Variants in PLEKHA6 observed in about 807,000 individuals in gnomAD.
The protein encoded by PLEKHA6 is pleckstrin homology domain containing A6.
In PLEKHA6, 60 loss-of-function variants were observed where a neutral mutation model predicts 116.7. The ratio of observed to expected loss-of-function variants is 0.51; its 90% confidence interval spans 0.42 to 0.64. PLEKHA6 has a LOEUF of 0.64. Among genes scored for constraint, PLEKHA6 ranks in the 30% least tolerant of loss-of-function variants. The pLI is 0.00. For missense variants in PLEKHA6, 1,338 were observed against 1,422.7 expected, an observed-to-expected ratio of 0.94 and a Z score of 0.96; for synonymous variants, 489 against 556.1, an observed-to-expected ratio of 0.88 and a Z score of 1.70.
chr1:204,360,073 C>T (rs1673524781), upstream of PLEKHA6, among the ~76,000 whole-genome samples: 1 of 152,258 alleles, frequency 6.6e-6, no homozygotes, highest in South Asian at 2.1e-4. Flanking sequence ...AGCTGCTAAC[C>T]ATCCACGCAG....
At chr1:204,306,997 T>C (rs1671374801) in intron 1 of PLEKHA6, among the ~76,000 whole-genome samples, 1 of 152,174 alleles carries the variant, frequency 6.6e-6, no homozygotes. Flanking sequence ...AAATTAGATA[T>C]TTTCTTTAAC....
intron 1 of PLEKHA6, chr1:204,280,233 TC>T: frequency 2.3e-6 from 2 of 860,938 alleles, no homozygotes; most frequent in Non-Finnish European, 2.8e-6. Flanking sequence ...CTGCATTGCT[TC>T]ATCTCCAAAC....
intron 6 of PLEKHA6, among the ~76,000 whole-genome samples, chr1:204,264,326 A>G (rs3935247): frequency 0.5 from 76,060 of 151,944 alleles, 19,137 homozygotes; most frequent in Middle Eastern, 0.57. Context: ...GTGGCTCCCC[A>G]GGGGTTCAAG....
rs1311816476 is a variant in PLEKHA6, at chr1:204,359,757, C to T, written c.-158G>A. ...ACTCTGCGAGCCCCAAGGCACCCCT[C>T]CCCCCAGCTCAGGCCAGCTGGGGTC... is the stretch of plus-strand genomic sequence containing the variant. On this transcript the variant is annotated 5_prime_UTR_variant, in exon 1 of 23. Transcript: ENST00000272203. 2 of 937,390 alleles carry T rather than the reference C, an allele frequency of 2.1e-6. No individual in the cohort carries two copies. The highest frequency in any genetic ancestry group is 3.5e-5 in the African/African-American group (2 of 56,422). 58.1% of individuals were successfully genotyped at this position (937,390 alleles called of 1,614,324 possible). A position where few individuals can be genotyped will look rare whatever the true frequency, so the allele number is the denominator to read the frequency against.
intron 1 of PLEKHA6, among the ~76,000 whole-genome samples, chr1:204,276,784 C>G (rs1011080100): frequency 6.6e-6 from 1 of 152,130 alleles, no homozygotes; most frequent in Admixed American, 6.5e-5. Context: ...CTACAAATGA[C>G]GTCCTCATTC....
chr1:204,337,174 T>C (rs946764622), intron 1 of PLEKHA6, among the ~76,000 whole-genome samples: 1 of 151,652 alleles, frequency 6.6e-6, no homozygotes, highest in Non-Finnish European at 1.5e-5. Context: ...GGCAGGGGAG[T>C]TGGAGATGAA....
intron 3 of PLEKHA6, among the ~76,000 whole-genome samples, chr1:204,272,329 G>A (rs1667547362): frequency 6.6e-6 from 1 of 152,016 alleles, no homozygotes; most frequent in Non-Finnish European, 1.5e-5. Flanking sequence ...ATAGAAACGT[G>A]ACTTACTGGC....
intron 21 of PLEKHA6, among the ~76,000 whole-genome samples, chr1:204,225,464 ATCAG>A (rs1660214744): frequency 1.3e-5 from 2 of 152,228 alleles, no homozygotes; most frequent in Admixed American, 1.3e-4. Context: ...TGCAGAAATG[ATCAG>A]TCACACATAC....
At chr1:204,370,734 G>A (rs948107696) in intron 2 of PLEKHA6, among the ~76,000 whole-genome samples, 1 of 152,026 alleles carries the variant, frequency 6.6e-6, no homozygotes, top group African/African-American at 2.4e-5. Context: ...TAGCTACATG[G>A]GGCCATTTAC....
chr1:204,370,438 C>T (rs1036249478), intron 2 of PLEKHA6, among the ~76,000 whole-genome samples: 6 of 152,226 alleles, frequency 3.9e-5, no homozygotes, highest in African/African-American at 1.2e-4. Flanking sequence ...GATATCTCCC[C>T]GCACTGTGAC....
chr1:204,320,217 A>G lies in PLEKHA6; in HGVS notation c.-95+39477T>C, dbSNP rs962085778. Among the ~76,000 whole-genome samples, 13 of 152,226 alleles carry G rather than the reference A, an allele frequency of 8.5e-5. No homozygotes were observed. In the East Asian group the frequency reaches 2.3e-3, roughly 27 times the overall value. The stretch of plus-strand genomic sequence containing the variant: ...TCATGCCTCCATGTCCACCTATTTA[A>G]TGGAGGCTCGGTGCTGTCTTGGGTG... On this transcript the variant is annotated intron_variant, in intron 1 of 22. Coordinates refer to ENST00000272203, the MANE Select transcript of PLEKHA6 (RefSeq NM_014935.5).
intron 1 of PLEKHA6, among the ~76,000 whole-genome samples, chr1:204,325,487 A>T (rs904220329): frequency 6.6e-6 from 1 of 152,192 alleles, no homozygotes; most frequent in African/African-American, 2.4e-5. Context: ...ACAAAGAACC[A>T]ATGGGCACCA....
At chr1:204,297,448 T>C (rs61345009) in intron 1 of PLEKHA6, among the ~76,000 whole-genome samples, 2,446 of 152,274 alleles carry the variant, frequency 0.016, 64 homozygotes, top group African/African-American at 0.056. Context: ...TTTCTCCTGT[T>C]CACCTGGGGT....
intron 1 of PLEKHA6, chr1:204,282,869 G>T: frequency 1.1e-6 from 1 of 919,968 alleles, no homozygotes; most frequent in Non-Finnish European, 1.3e-6. Flanking sequence ...CCTCCTCTCA[G>T]CCTTTCCTCA....
intron 1 of PLEKHA6, among the ~76,000 whole-genome samples, chr1:204,371,988 C>T (rs556754621): frequency 3.9e-5 from 6 of 152,228 alleles, no homozygotes; most frequent in East Asian, 1.9e-4. Context: ...GAAGGCTTCA[C>T]GGCAGAGGCA....
In PLEKHA6 at chr1:204,313,487, G is replaced by A. The variant is rs942233930; in HGVS notation, c.-94-38678C>T. 8.3e-6 allele frequency: 7 copies of A among 838,644 alleles called. No individual in the cohort carries two copies. The Admixed American group carries it at 2.5e-4, about 30-fold the overall frequency. The allele number at this position is 838,644 out of a possible 1,614,324, so 52.0% of individuals were successfully genotyped here. A position where few individuals can be genotyped will look rare whatever the true frequency, so the allele number is the denominator to read the frequency against. The stretch of plus-strand genomic sequence containing the variant: ...GGGATGACCTCCCCATTTCTCAAGA[G>A]CACAAACCACAGCCAGGAGTTCAGA... On this transcript the variant is annotated intron_variant, in intron 1 of 22. Coordinates refer to ENST00000272203, the MANE Select transcript of PLEKHA6 (RefSeq NM_014935.5).
rs1408129373 is a variant in PLEKHA6, at chr1:204,257,504, C to T, written c.1373G>A (p.Arg458His). Residue 458 changes from arginine to histidine, a missense_variant, in exon 9 of 23, where the codon CGC becomes CAC. By Grantham distance (29) the Arg-to-His change is conservative. This residue lies in a region of PLEKHA6 where 1,136 missense variants were observed against 1,163.6 expected (regional missense o/e 0.98). Coordinates refer to ENST00000272203, the MANE Select transcript of PLEKHA6 (RefSeq NM_014935.5). The surrounding 1 kb of genome is among the most constrained non-coding windows in gnomAD (Gnocchi z 6.5). ...GCTGTAGGAGCCCTGGCTGGGTGAG[C>T]GGGGCACAGAGTGGGAGCGGGGCTG... ...SLQPRSHSVPRSPSQGSYSRA... is the reference protein window; with the variant it reads ...SLQPRSHSVPHSPSQGSYSRA... 6.3e-6 allele frequency: 10 copies of T among 1,585,208 alleles called. No homozygotes were observed. Among genetic ancestry groups the T allele is most frequent in the Non-Finnish European group, 6.9e-6 (8 of 1,164,176 alleles).
chr1:204,357,280 T>C (rs1673440942), intron 1 of PLEKHA6, among the ~76,000 whole-genome samples: 1 of 152,164 alleles, frequency 6.6e-6, no homozygotes. Flanking sequence ...TCAGGGAGGC[T>C]GAGGAAGGCT....
intron 15 of PLEKHA6, among the ~76,000 whole-genome samples, chr1:204,243,534 C>T (rs1333066449): frequency 1.3e-5 from 2 of 152,142 alleles, no homozygotes; most frequent in South Asian, 2.1e-4. Context: ...CTCATTGCCT[C>T]GCCCCCATGC....
Sources: gnomAD v4.1 joint callset for allele counts (sites outside exome capture counted in the v4.1 genomes callset) on GRCh38, gnomAD v4.1.1 for gene constraint, gnomAD v4.1.1 regional missense constraint, Gnocchi (gnomAD v3.1) non-coding constraint, MANE v1.5 for transcripts, NCBI Gene and HGNC (gene_info 2026-07-23, HGNC 2026-07-21) for gene names.